TULP4: variants seen among roughly 807,000 people sequenced by gnomAD.
TULP4 encodes the protein tubby-related protein 4.
A neutral mutation model predicts 129.0 loss-of-function variants in TULP4; 16 were observed. That is an observed-to-expected ratio of 0.12 (90% CI 0.08 to 0.19). TULP4 has a LOEUF of 0.19. Among genes scored for constraint, TULP4 ranks in the 10% least tolerant of loss-of-function variants. The pLI is 1.00. For synonymous variants in TULP4, 998 were observed against 854.0 expected (o/e 1.17, Z -2.94); for missense variants, 1,842 against 2,059.1 (o/e 0.89, Z 2.04).
At chr6:158,246,491 CAAAAA>C (rs72465395) in intron 1 of TULP4, among the ~76,000 whole-genome samples, 1 of 119,872 alleles carries the variant, frequency 8.3e-6, no homozygotes. Context: ...GACTCCATCT[CAAAAA>C]AAAAAAAAAA....
At chr6:158,306,448 C>T (rs894149559) in intron 1 of TULP4, among the ~76,000 whole-genome samples, 4 of 152,146 alleles carry the variant, frequency 2.6e-5, no homozygotes, top group Non-Finnish European at 5.9e-5. Flanking sequence ...GTCCCAGCTC[C>T]TCAAGAGTCT....
At chr6:158,489,522 A>G (rs1583933029) in intron 8 of TULP4, 66 bp from the exon 9 acceptor site, 1 of 1,585,438 alleles carries the variant, frequency 6.3e-7, no homozygotes. Context: ...AGTTTATAGT[A>G]ATGATCATTG....
intron 1 of TULP4, among the ~76,000 whole-genome samples, chr6:158,376,323 T>C (rs1185431037): frequency 6.6e-6 from 1 of 152,190 alleles, no homozygotes; most frequent in Non-Finnish European, 1.5e-5. Flanking sequence ...GCTGGGCATG[T>C]GGAAGGCTCT....
Position 158,246,023 on chromosome 6 carries a change from G to GGGGGGGGTGT in TULP4, n.68+13721_68+13722insGGGGGGTGTG, listed in dbSNP as rs113914160. On this transcript the variant is annotated intron_variant and non_coding_transcript_variant, in intron 1 of 1. Transcript: ENST00000620026. ...GTGAGTAATTTGCCTACCCCTTAGG[G>GGGGGGGGTGT]GTGTGTGTGTGTGTGTGTGTGTGTG... Among the ~76,000 whole-genome samples the GGGGGGGGTGT allele has an allele frequency of 2.1e-5, 3 of 145,920 alleles. No individual in the cohort carries two copies. The East Asian group carries it at 6.1e-4, about 30-fold the overall frequency.
At chr6:158,324,188 G>C (rs1400777299) in intron 1 of TULP4, among the ~76,000 whole-genome samples, 1 of 152,234 alleles carries the variant, frequency 6.6e-6, no homozygotes, top group African/African-American at 2.4e-5. Context: ...AACACTGAGA[G>C]AAAGGATCTG....
intron 1 of TULP4, among the ~76,000 whole-genome samples, chr6:158,284,878 G>T (rs1778810290): frequency 1.3e-5 from 2 of 152,340 alleles, no homozygotes; most frequent in South Asian, 2.1e-4. Flanking sequence ...GTGGAATGGG[G>T]ATGATACCTA....
At chr6:158,239,394 G>C (rs1247866602) in intron 1 of TULP4, among the ~76,000 whole-genome samples, 19 of 67,458 alleles carry the variant, frequency 2.8e-4, no homozygotes, top group African/African-American at 8.7e-4. Context: ...CGGACGGGGC[G>C]GCTGGCCGGG....
chr6:158,232,966 C>T (rs1777625859), intron 1 of TULP4, among the ~76,000 whole-genome samples: 1 of 152,232 alleles, frequency 6.6e-6, no homozygotes, highest in Non-Finnish European at 1.5e-5. Flanking sequence ...GATTCTGTTC[C>T]GAGCACCAAC....
chr6:158,362,081 C>T (rs1228579789), intron 1 of TULP4, among the ~76,000 whole-genome samples: 1 of 152,226 alleles, frequency 6.6e-6, no homozygotes. Context: ...CCCATAGCAT[C>T]ATTGAACTAG....
At chr6:158,320,886 T>C (rs945133909) in intron 1 of TULP4, among the ~76,000 whole-genome samples, 1 of 152,210 alleles carries the variant, frequency 6.6e-6, no homozygotes, top group Non-Finnish European at 1.5e-5. Flanking sequence ...CCCTGCCCCT[T>C]GTCCCTGTTG....
At chr6:158,403,115 C>A (rs1266515334) in intron 1 of TULP4, among the ~76,000 whole-genome samples, 1 of 152,148 alleles carries the variant, frequency 6.6e-6, no homozygotes, top group Non-Finnish European at 1.5e-5. Context: ...AAATTTAAGT[C>A]ATTAAAAATC....
chr6:158,393,581 A>C (rs1280034405), intron 1 of TULP4, among the ~76,000 whole-genome samples: 6 of 152,184 alleles, frequency 3.9e-5, no homozygotes, highest in Admixed American at 3.9e-4. Context: ...CTGTGCACCC[A>C]TAGGCCCAAC....
chr6:158,266,186 G>A (rs943342259), intron 1 of TULP4, among the ~76,000 whole-genome samples: 1 of 152,078 alleles, frequency 6.6e-6, no homozygotes, highest in Non-Finnish European at 1.5e-5. Context: ...ATTTAACATA[G>A]CATAAGCATT....
At chr6:158,364,003 A>AC (rs1402345632) in intron 1 of TULP4, among the ~76,000 whole-genome samples, 1 of 152,184 alleles carries the variant, frequency 6.6e-6, no homozygotes, top group Non-Finnish European at 1.5e-5. Context: ...AATTAAAAAA[A>AC]CCCACAATTT....
intron 1 of TULP4, among the ~76,000 whole-genome samples, chr6:158,330,500 T>A (rs1327496288): frequency 6.6e-6 from 1 of 152,246 alleles, no homozygotes; most frequent in Non-Finnish European, 1.5e-5. Flanking sequence ...TCTTTCTCTC[T>A]CTTGTTATAT....
intron 1 of TULP4, among the ~76,000 whole-genome samples, chr6:158,288,710 C>T (rs1778873354): frequency 6.6e-6 from 1 of 152,138 alleles, no homozygotes; most frequent in African/African-American, 2.4e-5. Context: ...CCGTGTTAGC[C>T]AGGATGGTCT....
At chr6:158,491,587 G>A (rs1203690688) in intron 9 of TULP4, among the ~76,000 whole-genome samples, 1 of 151,526 alleles carries the variant, frequency 6.6e-6, no homozygotes, top group African/African-American at 2.4e-5. Context: ...CCACCTCCTG[G>A]GTTCAAACGA....
At chr6:158,377,430 T>C (rs1472275181) in intron 1 of TULP4, among the ~76,000 whole-genome samples, 1 of 152,244 alleles carries the variant, frequency 6.6e-6, no homozygotes, top group Non-Finnish European at 1.5e-5. Flanking sequence ...GAAACAGATA[T>C]TTAGAAAAGT....
intron 1 of TULP4, among the ~76,000 whole-genome samples, chr6:158,332,200 A>AAATATATATATATATATATATATATAT (rs1779922248): frequency 5.5e-5 from 1 of 18,050 alleles, no homozygotes; most frequent in Non-Finnish European, 1.0e-4. Flanking sequence ...AAAAAAAAAA[A>AAATATATATATATATATATATATATAT]ATATATATAT....
Sources: gnomAD v4.1 joint callset for allele counts (sites outside exome capture counted in the v4.1 genomes callset) on GRCh38, gnomAD v4.1.1 for gene constraint, MANE v1.5 for transcripts, NCBI Gene and HGNC (gene_info 2026-07-23, HGNC 2026-07-21) for gene names.